The following GYS2 variants were observed in gnomAD, a reference collection of about 807,000 sequenced individuals.
GYS2 encodes glycogen [starch] synthase, liver.
Under a neutral mutation model 85.6 loss-of-function variants are expected in GYS2, and 80 were observed. That is an observed-to-expected ratio of 0.93 (90% CI 0.78 to 1.13). The LOEUF is 1.13. Among genes scored for constraint, GYS2 ranks in the 50% most tolerant of loss-of-function variants. The pLI, the probability that GYS2 is intolerant of heterozygous loss-of-function variation, is 0.00. For missense variants in GYS2, 881 were observed against 854.9 expected (o/e 1.03, Z -0.38); for synonymous variants, 328 against 300.7 (o/e 1.09, Z -0.94).
At chr12:21,581,563 GT>G (rs1215638128) in intron 1 of GYS2, among the ~76,000 whole-genome samples, 1 of 152,198 alleles carries the variant, frequency 6.6e-6, no homozygotes, top group Non-Finnish European at 1.5e-5. Flanking sequence ...CTTTAACTCG[GT>G]GTCTGAGGGG....
chr12:21,593,188 CA>C (rs1440223416), intron 1 of GYS2, among the ~76,000 whole-genome samples: 1 of 151,304 alleles, frequency 6.6e-6, no homozygotes, highest in Non-Finnish European at 1.5e-5. Flanking sequence ...AGAAAGATTT[CA>C]AATATATAAT....
chr12:21,552,221 T>C (rs1392494561), intron 11 of GYS2, among the ~76,000 whole-genome samples: 1 of 152,212 alleles, frequency 6.6e-6, no homozygotes, highest in African/African-American at 2.4e-5. Context: ...TCTTTATTTA[T>C]TCCAGGACAG....
intron 5 of GYS2, among the ~76,000 whole-genome samples, chr12:21,564,830 A>G (rs1944298764): frequency 1.3e-5 from 2 of 152,158 alleles, no homozygotes; most frequent in Non-Finnish European, 2.9e-5. Context: ...CACTGTCCCC[A>G]TTTTACAAAT....
At chr12:21,584,892 G>A (rs1057212848) in intron 1 of GYS2, among the ~76,000 whole-genome samples, 5 of 152,132 alleles carry the variant, frequency 3.3e-5, no homozygotes, top group Non-Finnish European at 1.5e-5. Context: ...GTGTGACAGT[G>A]GGCTCATGCT....
intron 11 of GYS2, among the ~76,000 whole-genome samples, chr12:21,548,390 T>C (rs1322674834): frequency 6.6e-6 from 1 of 152,052 alleles, no homozygotes; most frequent in Non-Finnish European, 1.5e-5. Flanking sequence ...GGGAAAGCAG[T>C]AGCACATCAT....
rs755976430 is a variant in GYS2 at position 21,559,758 on chromosome 12, A to C, written c.1170-48T>G. On this transcript the variant is annotated intron_variant, in intron 8 of 15. Coordinates refer to ENST00000261195, the MANE Select transcript of GYS2 (RefSeq NM_021957.4). ...TCATTTAAACAGTATGACAATGTTT[A>C]ATCTTTATTTGTCACGATAATGCTA... The C allele has an allele frequency of 9.5e-6, 11 of 1,154,782 alleles. No individual in the cohort carries two copies. In the African/African-American group the frequency reaches 1.5e-4, roughly 16 times the overall value. 71.5% of individuals were successfully genotyped at this position (1,154,782 alleles called of 1,614,324 possible). A position where few individuals can be genotyped will look rare whatever the true frequency, so the allele number is the denominator to read the frequency against.
intron 1 of GYS2, among the ~76,000 whole-genome samples, chr12:21,599,070 GCT>G (rs112659560): frequency 1.0e-4 from 15 of 149,344 alleles, no homozygotes; most frequent in Middle Eastern, 7.0e-3. Flanking sequence ...CCTCTCTCTC[GCT>G]CTCTCTCTCT....
intron 5 of GYS2, among the ~76,000 whole-genome samples, chr12:21,565,578 G>GATGTTAA (rs1944309557): frequency 6.7e-6 from 1 of 149,398 alleles, no homozygotes; most frequent in Non-Finnish European, 1.5e-5. Flanking sequence ...ACCAGGAAAT[G>GATGTTAA]ATGTTAAATT....
chr12:21,537,885 TG>T (rs1243692917), intron 15 of GYS2, among the ~76,000 whole-genome samples: 7 of 152,150 alleles, frequency 4.6e-5, no homozygotes, highest in Non-Finnish European at 8.8e-5. Flanking sequence ...TATAATTGAA[TG>T]GGGAGACAGA....
intron 1 of GYS2, among the ~76,000 whole-genome samples, chr12:21,582,681 G>A (rs1213893643): frequency 6.6e-6 from 1 of 152,018 alleles, no homozygotes. Context: ...CCCTAATACA[G>A]ATTTTGGTAC....
At chr12:21,578,445 C>T (rs546426895) in intron 2 of GYS2, among the ~76,000 whole-genome samples, 13 of 152,330 alleles carry the variant, frequency 8.5e-5, no homozygotes, top group African/African-American at 2.9e-4. Flanking sequence ...TGCACCATCA[C>T]TCAGACTGCA....
intron 1 of GYS2, among the ~76,000 whole-genome samples, chr12:21,604,123 G>A (rs1387361690): frequency 6.6e-6 from 1 of 151,964 alleles, no homozygotes. Context: ...AAAATAAAAT[G>A]TTTAATTATA....
intron 11 of GYS2, among the ~76,000 whole-genome samples, chr12:21,556,314 G>T (rs117508646): frequency 0.021 from 3,169 of 152,160 alleles, 64 homozygotes; most frequent in Non-Finnish European, 0.03. Context: ...TACTACAGGC[G>T]TGTACCACCA....
Position 21,559,094 on chromosome 12 carries a change from A to G in GYS2, c.1305T>C (p.Thr435=). ...LTIMKRAIFS[T]QRQSLPPVTT... is the part of the protein sequence containing the mutation. ...TGGGTGCTTTTTTCCTTATTACCTGAGTTGAAAAGATGGCTCTTTTCATAA... is the reference window on the plus strand; with the variant it reads ...TGGGTGCTTTTTTCCTTATTACCTGGGTTGAAAAGATGGCTCTTTTCATAA... The change falls in exon 10 of 16, where the codon ACT becomes ACC. Residue 435 remains threonine (T), a synonymous_variant. Coordinates refer to ENST00000261195, the MANE Select transcript of GYS2 (RefSeq NM_021957.4). 1.3e-6 allele frequency: 2 copies of G among 1,578,854 alleles called. No homozygotes were observed. Among genetic ancestry groups the G allele is most frequent in the Non-Finnish European group, 1.7e-6 (2 of 1,148,962 alleles).
At position 21,558,216 on chromosome 12, in the gene GYS2, C is replaced by T. The variant is rs139031614; in HGVS notation, c.1406G>A (p.Arg469His). Residue 469 changes from arginine (R) to histidine (H), a missense_variant, in exon 11 of 16, where the codon CGC (arginine) becomes CAC (histidine). Transcript: ENST00000261195. ...TIRRIGLFNN[R>H]TDRVKVILHP... Reference sequence around the variant, plus strand: ...TTGTTCTACCTTGACTCTATCTGTGCGGTTGTTGAAAAGTCCAATCCGTCT... The same window carrying T: ...TTGTTCTACCTTGACTCTATCTGTGTGGTTGTTGAAAAGTCCAATCCGTCT... 1.5e-4 allele frequency: 248 copies of T among 1,602,550 alleles called. No homozygotes were observed. The highest frequency in any genetic ancestry group is 3.3e-4 in the Middle Eastern group (2 of 6,058).
rs121918423 is a variant in GYS2, at chr12:21,604,477, T to C, written c.116A>G (p.Asn39Ser). ...LLFEVAWEVT[N>S]KVGGIYTVIQ... ...CCTTCAGGAGCAGTACAAACCTTTA[T>C]TGGTCACTTCCCAAGCAACTTCAAA... The change falls in exon 1 of 16, where the codon AAT (asparagine) becomes AGT (serine). Residue 39 changes from asparagine (N) to serine (S), a missense_variant. Coordinates refer to ENST00000261195, the MANE Select transcript of GYS2 (RefSeq NM_021957.4). 5.1e-5 allele frequency: 82 copies of C among 1,602,064 alleles called. No homozygotes were observed. Among genetic ancestry groups the C allele is most frequent in the Non-Finnish European group, 5.7e-5 (67 of 1,169,480 alleles).
chr12:21,567,255 G>A (rs1403470210), intron 5 of GYS2, among the ~76,000 whole-genome samples: 2 of 152,080 alleles, frequency 1.3e-5, no homozygotes, highest in Non-Finnish European at 2.9e-5. Context: ...GGAGGAGATG[G>A]TATGATATTT....
chr12:21,597,124 G>A (rs1236540985), intron 1 of GYS2, among the ~76,000 whole-genome samples: 1 of 152,008 alleles, frequency 6.6e-6, no homozygotes, highest in African/African-American at 2.4e-5. Flanking sequence ...ACATAAGGGA[G>A]ACACTTCAAG....
At position 21,559,640 on chromosome 12, in the gene GYS2, C is replaced by G. The variant is rs1871137; in HGVS notation, c.1229+11G>C. 51 of 1,436,382 alleles carry G rather than the reference C, an allele frequency of 3.6e-5. No individual in the cohort carries two copies. The South Asian group carries it at 5.4e-4, about 15-fold the overall frequency. The allele number at this position is 1,436,382 out of a possible 1,614,324, so 89.0% of individuals were successfully genotyped here. A position where few individuals can be genotyped will look rare whatever the true frequency, so the allele number is the denominator to read the frequency against. On this transcript the variant is annotated intron_variant, in intron 9 of 15. Coordinates refer to ENST00000261195, the MANE Select transcript of GYS2 (RefSeq NM_021957.4). ...TAAGTGATTGAAGTAGAAAGCATTT[C>G]AAGCACCTACCTTAATAATGCATCA...
Sources: gnomAD v4.1 joint callset for allele counts (sites outside exome capture counted in the v4.1 genomes callset) on GRCh38, gnomAD v4.1.1 for gene constraint, MANE v1.5 for transcripts, NCBI Gene and HGNC (gene_info 2026-07-23, HGNC 2026-07-21) for gene names.